Variants in SEMA6D observed in about 807,000 individuals in gnomAD.
SEMA6D encodes the protein semaphorin 6D, also known as semaphorin-6D.
In SEMA6D, 35 loss-of-function variants were observed where a neutral mutation model predicts 106.6. The observed-to-expected ratio is 0.33, with a 90% CI of 0.25 to 0.44. The LOEUF (loss-of-function observed/expected upper bound fraction) is 0.44, where lower values mean the gene tolerates loss of function less well. Ranked by LOEUF, SEMA6D falls within the 20% of genes least tolerant of loss-of-function variation. The pLI is 1.00. For synonymous variants in SEMA6D, 499 were observed against 487.7 expected, an observed-to-expected ratio of 1.02 and a Z score of -0.31; for missense variants, 1,185 against 1,345.9, an observed-to-expected ratio of 0.88 and a Z score of 1.87.
chr15:47,407,921 G>A (rs1319153097), intron 1 of SEMA6D, among the ~76,000 whole-genome samples: 1 of 152,160 alleles, frequency 6.6e-6, no homozygotes, highest in South Asian at 2.1e-4. Flanking sequence ...CTGCACCTTG[G>A]TGGTGGTGGT....
chr15:47,341,396 A>G (rs993212806), intron 1 of SEMA6D, among the ~76,000 whole-genome samples: 6 of 152,134 alleles, frequency 3.9e-5, no homozygotes, highest in African/African-American at 1.4e-4. Flanking sequence ...TCAAAAAACA[A>G]ACAGACAAAA....
chr15:47,426,290 A>G (rs1223402541), intron 2 of SEMA6D, among the ~76,000 whole-genome samples: 2 of 152,012 alleles, frequency 1.3e-5, no homozygotes, highest in Non-Finnish European at 2.9e-5. Flanking sequence ...GGCATGTACC[A>G]CCATGCATGG....
chr15:47,191,189 A>G (rs1284809421), intron 1 of SEMA6D, among the ~76,000 whole-genome samples: 1 of 151,724 alleles, frequency 6.6e-6, no homozygotes, highest in Non-Finnish European at 1.5e-5. Context: ...ATATATATAT[A>G]TATATATACT....
chr15:47,661,913 G>A lies in SEMA6D; in HGVS notation c.-55+61017G>A, dbSNP rs141463257. Among the ~76,000 whole-genome samples the A allele has an allele frequency of 1.2e-4, 18 of 152,304 alleles. No individual in the cohort carries two copies. The East Asian group carries it at 3.3e-3, about 28-fold the overall frequency. ...GCCTAGATATCTTGCACAGATCACT[G>A]TTGAAACTGCTCAGTTGCTTCATTT... On this transcript the variant is annotated intron_variant, in intron 4 of 19. Transcript: ENST00000558014.
intron 2 of SEMA6D, among the ~76,000 whole-genome samples, chr15:47,436,765 A>AG (rs1294683708): frequency 1.2e-5 from 1 of 81,716 alleles, no homozygotes; most frequent in African/African-American, 5.3e-5. Context: ...TATTAAAAAA[A>AG]AAAATATATA....
chr15:47,761,554 T>A (rs557494780), intron 6 of SEMA6D, 107 bp from the exon 7 acceptor site: 1 of 1,264,434 alleles, frequency 7.9e-7, no homozygotes, highest in African/African-American at 1.5e-5. Flanking sequence ...AATGAAAGAA[T>A]AAAGACAGAA....
At chr15:47,426,166 A>G (rs2041331067) in intron 2 of SEMA6D, among the ~76,000 whole-genome samples, 1 of 152,052 alleles carries the variant, frequency 6.6e-6, no homozygotes, top group Non-Finnish European at 1.5e-5. Context: ...TTAGTGCAAG[A>G]GTTTTTTTAA....
At chr15:47,495,778 T>C (rs2043634277) in intron 3 of SEMA6D, among the ~76,000 whole-genome samples, 1 of 152,074 alleles carries the variant, frequency 6.6e-6, no homozygotes. Flanking sequence ...AGTACAGAAA[T>C]AATGACACAT....
intron 2 of SEMA6D, among the ~76,000 whole-genome samples, chr15:47,429,572 C>G (rs1018377916): frequency 3.9e-5 from 6 of 152,082 alleles, no homozygotes; most frequent in African/African-American, 1.4e-4. Context: ...AGAACACCAA[C>G]AAAATTATGC....
At chr15:47,195,072 C>G (rs1894244774) in intron 1 of SEMA6D, among the ~76,000 whole-genome samples, 1 of 152,156 alleles carries the variant, frequency 6.6e-6, no homozygotes. Flanking sequence ...TATTTCTCCT[C>G]CATACAAATA....
chr15:47,554,079 C>T (rs2045846368), intron 3 of SEMA6D, among the ~76,000 whole-genome samples: 1 of 152,198 alleles, frequency 6.6e-6, no homozygotes, highest in Non-Finnish European at 1.5e-5. Context: ...TTCACCCTCT[C>T]TGAGCACTCC....
At chr15:47,710,747 C>A (rs2079001233) in intron 4 of SEMA6D, among the ~76,000 whole-genome samples, 1 of 152,116 alleles carries the variant, frequency 6.6e-6, no homozygotes, top group South Asian at 2.1e-4. Flanking sequence ...TTTGGATTTT[C>A]CAGAAAAGCT....
chr15:47,501,138 C>G (rs2043835329), intron 3 of SEMA6D, among the ~76,000 whole-genome samples: 1 of 152,128 alleles, frequency 6.6e-6, no homozygotes, highest in Middle Eastern at 3.2e-3. Flanking sequence ...TCGGTTCAAA[C>G]AATTTTTTGA....
At chr15:47,670,409 A>G (rs961881321) in intron 4 of SEMA6D, among the ~76,000 whole-genome samples, 1 of 152,174 alleles carries the variant, frequency 6.6e-6, no homozygotes, top group Non-Finnish European at 1.5e-5. Flanking sequence ...TCATGATTTC[A>G]TTGTGTCTGT....
chr15:47,697,701 A>C (rs1221796952), intron 4 of SEMA6D, among the ~76,000 whole-genome samples: 1 of 152,228 alleles, frequency 6.6e-6, no homozygotes, highest in African/African-American at 2.4e-5. Context: ...AGGTCTGATG[A>C]ATTTGAAATT....
rs762527717 is a variant in SEMA6D, at chr15:47,770,672, C to T, written c.2109C>T (p.Ser703=). 23 of 1,614,036 alleles carry T rather than the reference C, an allele frequency of 1.4e-5. No individual in the cohort carries two copies. The highest frequency in any genetic ancestry group is 1.7e-4 in the Middle Eastern group (1 of 6,060). ...GAAAGATCCATAAAGATGCAGAGTC[C>T]GCCCAGTCATGCACAGACTCCAGTG... ...KNRKIHKDAE[S]AQSCTDSSGS... Residue 703 remains serine, a synonymous_variant, in exon 19 of 19, where the codon TCC becomes TCT. Transcript: ENST00000536845.
chr15:47,220,817 A>C (rs2031127573), intron 1 of SEMA6D, among the ~76,000 whole-genome samples: 1 of 152,194 alleles, frequency 6.6e-6, no homozygotes, highest in Non-Finnish European at 1.5e-5. Flanking sequence ...GAAAATTCGA[A>C]AGAAGCATTT....
chr15:47,252,274 CATA>C (rs1208215130), intron 1 of SEMA6D, among the ~76,000 whole-genome samples: 1 of 152,086 alleles, frequency 6.6e-6, no homozygotes, highest in African/African-American at 2.4e-5. Flanking sequence ...TTATAATTCA[CATA>C]ATAATTGTAT....
chr15:47,313,430 T>G (rs2036521810), intron 1 of SEMA6D, among the ~76,000 whole-genome samples: 2 of 152,194 alleles, frequency 1.3e-5, no homozygotes, highest in African/African-American at 4.8e-5. Context: ...GCTTCCTCCA[T>G]GTATTTTCAT....
Sources: allele counts gnomAD v4.1 joint callset (sites outside exome capture counted in the v4.1 genomes callset), GRCh38; gene constraint gnomAD v4.1.1; transcripts MANE v1.5; gene names NCBI Gene and HGNC (gene_info 2026-07-23, HGNC 2026-07-21).